Variants in ZSCAN32 observed in about 807,000 individuals in gnomAD.
ZSCAN32 encodes zinc finger and SCAN domain containing 32, also known as zinc finger and SCAN domain-containing protein 32.
Under a neutral mutation model 47.4 loss-of-function variants are expected in ZSCAN32, and 52 were observed. The observed-to-expected ratio is 1.10, with a 90% CI of 0.88 to 1.38. The LOEUF (loss-of-function observed/expected upper bound fraction) is 1.38, where lower values mean the gene tolerates loss of function less well. Among genes scored for constraint, ZSCAN32 ranks in the 40% most tolerant of loss-of-function variants. The pLI, the probability that ZSCAN32 is intolerant of heterozygous loss-of-function variation, is 0.00. For synonymous variants in ZSCAN32, 346 were observed against 305.7 expected (o/e 1.13, Z -1.38); for missense variants, 959 against 846.0 (o/e 1.13, Z -1.66).
chr16:3,384,331 T>A (rs1407927145), intron 6 of ZSCAN32, 128 bp downstream of exon 6: 4 of 1,378,188 alleles, frequency 2.9e-6, no homozygotes, highest in Non-Finnish European at 4.0e-6. Flanking sequence ...AACCAAAACT[T>A]GGATAGGGTC....
At chr16:3,393,914 A>G (rs1040262383) in intron 2 of ZSCAN32, 100 bp from the exon 3 acceptor site, 2 of 1,116,254 alleles carry the variant, frequency 1.8e-6, no homozygotes, top group East Asian at 5.4e-5. Context: ...ATAAGGAAGC[A>G]GAAGAGAAAA....
At position 3,384,449 on chromosome 16, in the gene ZSCAN32, G is replaced by A. The variant is rs1394414350; in HGVS notation, c.1234+10C>T. ...CCATCCTTTGACCATCAGAGCCAAG[G>A]GAGTCTTACCAAGTCTGTTTGGGAA... is the stretch of plus-strand genomic sequence containing the variant. On this transcript the variant is annotated intron_variant, in intron 6 of 6. Coordinates refer to ENST00000396852, the MANE Select transcript of ZSCAN32 (RefSeq NM_001284527.2). 1 of 1,613,992 alleles carries A rather than the reference G, an allele frequency of 6.2e-7. No homozygotes were observed. The highest frequency in any genetic ancestry group is 8.5e-7 in the Non-Finnish European group (1 of 1,179,952).
rs1056653204 is a variant in ZSCAN32 at position 3,397,273 on chromosome 16, G to A, written c.285C>T (p.Thr95=). The A allele has an allele frequency of 4.5e-6, 7 of 1,570,660 alleles. No homozygotes were observed. In the African/African-American group the frequency reaches 6.8e-5, roughly 15 times the overall value. The change falls in exon 2 of 7, where the codon ACC becomes ACT. Residue 95 remains threonine, a synonymous_variant. Coordinates refer to ENST00000396852, the MANE Select transcript of ZSCAN32 (RefSeq NM_001284527.2). ...TTTCTGGATGCTGCTCCCTCACCCAGGTCTGGATCTCCTCTGGCAAGATAG... is the reference window on the plus strand; with the variant it reads ...TTTCTGGATGCTGCTCCCTCACCCAAGTCTGGATCTCCTCTGGCAAGATAG... ...FLTILPEEIQ[T]WVREQHPENG... is the part of the protein sequence containing the mutation.
Sources: allele counts gnomAD v4.1 joint callset, GRCh38; gene constraint gnomAD v4.1.1; transcripts MANE v1.5; gene names NCBI Gene and HGNC (gene_info 2026-07-23, HGNC 2026-07-21).